PCDH11X: variants seen among roughly 807,000 people sequenced by gnomAD.
PCDH11X encodes protocadherin 11 X-linked, also known as protocadherin-11 X-linked.
A neutral mutation model predicts 53.3 loss-of-function variants in PCDH11X; 18 were observed. The observed-to-expected ratio is 0.34, with a 90% CI of 0.23 to 0.50. The LOEUF (loss-of-function observed/expected upper bound fraction) is 0.50, where lower values mean the gene tolerates loss of function less well. Among genes scored for constraint, PCDH11X ranks in the 20% least tolerant of loss-of-function variants. The probability of loss-of-function intolerance (pLI) is 0.98; values close to 1 mark genes in which losing one functional copy is unlikely to be tolerated. For synonymous variants in PCDH11X, 279 were observed against 393.3 expected (o/e 0.71, Z 3.44); for missense variants, 570 against 1,032.4 (o/e 0.55, Z 6.14).
intron 10 of PCDH11X, among the ~76,000 whole-genome samples, chrX:92,549,896 G>T (rs1314737101): frequency 9.0e-6 from 1 of 111,498 alleles, no homozygotes; most frequent in Non-Finnish European, 1.9e-5. Context: ...GATCAAATCA[G>T]GGTAATTAGC....
intron 6 of PCDH11X, among the ~76,000 whole-genome samples, chrX:92,064,516 A>AAATG (rs1382715899): frequency 9.3e-6 from 1 of 107,742 alleles, no homozygotes; most frequent in East Asian, 2.9e-4. Context: ...ATAAATAAAT[A>AAATG]AATAAATAAA....
chrX:92,601,622 G>A (rs1419482986), intron 10 of PCDH11X, among the ~76,000 whole-genome samples: 2 of 111,004 alleles, frequency 1.8e-5, no homozygotes, highest in South Asian at 3.8e-4. Context: ...ATTCATAGCC[G>A]CATTATTCAC....
intron 9 of PCDH11X, among the ~76,000 whole-genome samples, chrX:92,448,533 C>G (rs2072707412): frequency 1.1e-5 from 1 of 90,782 alleles, no homozygotes; most frequent in Non-Finnish European, 2.2e-5. Context: ...TGAGTGTGAG[C>G]CCCCTCCACC....
chrX:92,071,593 C>T (rs1310241680), intron 6 of PCDH11X, among the ~76,000 whole-genome samples: 1 of 110,068 alleles, frequency 9.1e-6, no homozygotes, highest in Non-Finnish European at 1.9e-5. Flanking sequence ...CTTGTTTTTC[C>T]CTATCCTTAT....
intron 9 of PCDH11X, among the ~76,000 whole-genome samples, chrX:92,445,359 T>C (rs1225653660): frequency 7.5e-5 from 8 of 106,162 alleles, no homozygotes; most frequent in Non-Finnish European, 1.6e-4. Flanking sequence ...CTAGTTCATG[T>C]GCATAGAGTT....
chrX:92,129,768 A>C (rs2064938207), intron 6 of PCDH11X, among the ~76,000 whole-genome samples: 1 of 111,534 alleles, frequency 9.0e-6, no homozygotes, highest in African/African-American at 3.3e-5. Flanking sequence ...GAGGGCTCAC[A>C]TAAGGATCTC....
At chrX:91,783,253 G>A (rs1935222358) in intron 1 of PCDH11X, among the ~76,000 whole-genome samples, 1 of 111,054 alleles carries the variant, frequency 9.0e-6, no homozygotes, top group Non-Finnish European at 1.9e-5. Flanking sequence ...AAGAAACTCC[G>A]ACCAAGCATA....
intron 9 of PCDH11X, among the ~76,000 whole-genome samples, chrX:92,389,215 T>C (rs2071073695): frequency 9.2e-6 from 1 of 109,273 alleles, no homozygotes; most frequent in Admixed American, 9.9e-5. Flanking sequence ...ATACCTTGTG[T>C]CACTAAACTA....
rs11325266 is a variant in PCDH11X at position 92,620,484 on chromosome X, TG to T, written c.*1553del. The T allele has an allele frequency of 0.24, 18,650 of 77,705 alleles. 2,195 individuals carry two copies. The highest frequency in any genetic ancestry group is 0.32 in the Non-Finnish European group (13,614 of 41,904). 6.4% of individuals were successfully genotyped at this position (77,705 alleles called of 1,213,427 possible). ...TGATGTTTAATGGGGGCGGTTGGGGTGGGGGGGGGAGTCAATATCTCCTATT... is the reference window on the plus strand; with the variant it reads ...TGATGTTTAATGGGGGCGGTTGGGGTGGGGGGGGAGTCAATATCTCCTATT... On this transcript the variant is annotated 3_prime_UTR_variant, in exon 11 of 11. Transcript: ENST00000682573.
At chrX:91,917,605 G>A (rs868183510) in intron 6 of PCDH11X, among the ~76,000 whole-genome samples, 7 of 85,100 alleles carry the variant, frequency 8.2e-5, no homozygotes, top group African/African-American at 3.0e-4. Flanking sequence ...AATTCCTTAG[G>A]AATATAATTA....
chrX:92,403,344 T>G (rs1217554263), intron 9 of PCDH11X, among the ~76,000 whole-genome samples: 5 of 87,167 alleles, frequency 5.7e-5, no homozygotes, highest in Admixed American at 1.5e-4. Flanking sequence ...TTTTTGTTTT[T>G]TTTTTTTTTT....
At chrX:91,937,374 A>T (rs1427374100) in intron 6 of PCDH11X, among the ~76,000 whole-genome samples, 2 of 110,658 alleles carry the variant, frequency 1.8e-5, no homozygotes, top group African/African-American at 6.5e-5. Flanking sequence ...AAATCAGAAT[A>T]ATTTCCCATT....
intron 4 of PCDH11X, among the ~76,000 whole-genome samples, chrX:91,819,436 G>A (rs1453525457): frequency 1.8e-5 from 2 of 110,640 alleles, no homozygotes; most frequent in Non-Finnish European, 3.8e-5. Context: ...TGAAGATCAT[G>A]CATAAAATAT....
At chrX:91,968,166 A>T (rs924575132) in intron 6 of PCDH11X, among the ~76,000 whole-genome samples, 4 of 112,142 alleles carry the variant, frequency 3.6e-5, no homozygotes, top group African/African-American at 1.3e-4. Flanking sequence ...CTTATTTTTT[A>T]AAATTTGATT....
intron 6 of PCDH11X, among the ~76,000 whole-genome samples, chrX:91,995,867 T>C (rs1262651698): frequency 5.6e-5 from 6 of 107,189 alleles, no homozygotes; most frequent in Admixed American, 2.0e-4. Flanking sequence ...TTTTTTTTTT[T>C]GAGGCCGAGT....
At chrX:91,864,055 A>G (rs879150961) in intron 5 of PCDH11X, among the ~76,000 whole-genome samples, 3 of 111,042 alleles carry the variant, frequency 2.7e-5, no homozygotes, top group Non-Finnish European at 5.7e-5. Context: ...ATAATATTCT[A>G]TGTTTTTCTG....
At chrX:92,286,756 T>C (rs1389418328) in intron 8 of PCDH11X, among the ~76,000 whole-genome samples, 3 of 87,187 alleles carry the variant, frequency 3.4e-5, no homozygotes, top group African/African-American at 1.3e-4. Context: ...CAACTGAAAA[T>C]CTGGAATAGA....
chrX:92,198,166 C>A (rs2066323314), intron 6 of PCDH11X, among the ~76,000 whole-genome samples: 1 of 101,130 alleles, frequency 9.9e-6, no homozygotes, highest in South Asian at 4.6e-4. Context: ...GAGGCCGTGG[C>A]AAACAGATCA....
chrX:92,508,306 C>G (rs1257529573), intron 10 of PCDH11X, among the ~76,000 whole-genome samples: 1 of 110,020 alleles, frequency 9.1e-6, no homozygotes, highest in Non-Finnish European at 1.9e-5. Flanking sequence ...TCACTGCAAC[C>G]TCTGCCTCCT....
Sources: allele counts gnomAD v4.1 joint callset (sites outside exome capture counted in the v4.1 genomes callset), GRCh38; gene constraint gnomAD v4.1.1; transcripts MANE v1.5; gene names NCBI Gene and HGNC (gene_info 2026-07-23, HGNC 2026-07-21).